Variants in MYT1L observed in about 807,000 individuals in gnomAD.
MYT1L encodes myelin transcription factor 1 like, also known as myelin transcription factor 1-like protein.
A neutral mutation model predicts 126.7 loss-of-function variants in MYT1L; 12 were observed. That is an observed-to-expected ratio of 0.09 (90% CI 0.06 to 0.15). MYT1L has a LOEUF of 0.15. Ranked by LOEUF, MYT1L falls within the 10% of genes least tolerant of loss-of-function variation. MYT1L has a pLI of 1.00. For synonymous variants in MYT1L, 541 were observed against 604.2 expected (o/e 0.90, Z 1.53); for missense variants, 979 against 1,585.2 (o/e 0.62, Z 6.49).
intron 2 of MYT1L, among the ~76,000 whole-genome samples, chr2:2,268,013 A>G (rs1409350953): frequency 6.6e-6 from 1 of 152,222 alleles, no homozygotes; most frequent in Non-Finnish European, 1.5e-5. Context: ...ATCAGTATTA[A>G]TAAAAGATGA....
At chr2:1,982,861 G>C (rs1387381481) in intron 5 of MYT1L, among the ~76,000 whole-genome samples, 1 of 152,194 alleles carries the variant, frequency 6.6e-6, no homozygotes, top group Non-Finnish European at 1.5e-5. Context: ...CTGTAGTTTA[G>C]GGGAGCACCT....
intron 4 of MYT1L, among the ~76,000 whole-genome samples, chr2:2,003,289 C>A (rs964245622): frequency 2.0e-5 from 3 of 152,168 alleles, no homozygotes; most frequent in African/African-American, 7.2e-5. Context: ...TGACGTTTCA[C>A]ATAAATTGTT....
Position 1,857,991 on chromosome 2 carries a change from C to T in MYT1L, c.2712-6288G>A, listed in dbSNP as rs1463622076. 2.0e-5 allele frequency among the ~76,000 whole-genome samples: 3 copies of T among 152,082 alleles called. No individual in the cohort carries two copies. In the South Asian group the frequency reaches 6.2e-4, roughly 32 times the overall value. On this transcript the variant is annotated intron_variant, in intron 18 of 24. Transcript: ENST00000647738. ...GATTCTCCTGTCTCAGCCTTCCCAG[C>T]AGCTGGGATTACGGGCATGCACCAC...
At chr2:2,322,796 G>C (rs1373743639) in intron 1 of MYT1L, among the ~76,000 whole-genome samples, 1 of 152,096 alleles carries the variant, frequency 6.6e-6, no homozygotes, top group Non-Finnish European at 1.5e-5. Context: ...ATAAAGCTTG[G>C]TTCAACTCTA....
chr2:2,098,857 G>C (rs781037867), intron 3 of MYT1L, among the ~76,000 whole-genome samples: 1 of 152,206 alleles, frequency 6.6e-6, no homozygotes, highest in Non-Finnish European at 1.5e-5. Flanking sequence ...GTGCAGTCTG[G>C]AGCTTCTAAA....
rs11411775 is a variant in MYT1L, at chr2:1,887,167, T to TAA, written c.2642+319_2642+320dup. ...AAACAGCCAAAATAGTAAGTATGTT[T>TAA]AAAAAAAAAAAAAACTTTTAAAAAA... On this transcript the variant is annotated intron_variant, in intron 17 of 24. Coordinates refer to ENST00000647738, the MANE Select transcript of MYT1L (RefSeq NM_001303052.2). This position sits in a 1 kb window ranked among gnomAD's most constrained non-coding sequence, Gnocchi z 4.8. 2,213 of 372,710 alleles carry TAA rather than the reference T, an allele frequency of 5.9e-3. 1 individual carries two copies. Among genetic ancestry groups the TAA allele is most frequent in the East Asian group, 0.017 (443 of 25,822 alleles). 23.1% of individuals were successfully genotyped at this position (372,710 alleles called of 1,614,324 possible).
At chr2:1,871,764 G>A (rs1227573186) in intron 18 of MYT1L, among the ~76,000 whole-genome samples, 3 of 152,108 alleles carry the variant, frequency 2.0e-5, no homozygotes, top group African/African-American at 7.2e-5. Flanking sequence ...TCTTGTGTGG[G>A]TCAAATGATA....
At chr2:2,019,862 T>C (rs1298272590) in intron 4 of MYT1L, among the ~76,000 whole-genome samples, 2 of 152,198 alleles carry the variant, frequency 1.3e-5, no homozygotes, top group Non-Finnish European at 2.9e-5. Context: ...TTTTATTTAT[T>C]TTTTGATATG....
chr2:1,957,286 T>C (rs533785692), intron 8 of MYT1L, among the ~76,000 whole-genome samples: 2 of 152,308 alleles, frequency 1.3e-5, no homozygotes, highest in South Asian at 2.1e-4. Flanking sequence ...AAATTTTCAA[T>C]AGTTCTTGGG....
At chr2:1,952,722 C>CT (rs2057894524) in intron 8 of MYT1L, among the ~76,000 whole-genome samples, 8 of 52,880 alleles carry the variant, frequency 1.5e-4, no homozygotes, top group Non-Finnish European at 3.0e-4. Context: ...TTCCCTCCTT[C>CT]CTTCCCTTCC....
rs114228109 is a variant in MYT1L at position 1,990,632 on chromosome 2, C to T, written c.-1+6559G>A. Among the ~76,000 whole-genome samples the T allele has an allele frequency of 1.9e-3, 293 of 152,200 alleles. 2 individuals carry two copies. Among genetic ancestry groups the T allele is most frequent in the African/African-American group, 6.6e-3 (275 of 41,512 alleles). On this transcript the variant is annotated intron_variant, in intron 5 of 24. Transcript: ENST00000647738. ...CTAAGCTCCATGGCCAGGGGTGTCT[C>T]GATGACACATGTGGGCAACAGCACC...
chr2:2,262,712 A>T (rs1012118640), intron 2 of MYT1L, among the ~76,000 whole-genome samples: 4 of 148,276 alleles, frequency 2.7e-5, no homozygotes, highest in African/African-American at 1.0e-4. Flanking sequence ...AAAAAAAATT[A>T]TGATTCCTGC....
intron 3 of MYT1L, among the ~76,000 whole-genome samples, chr2:2,054,907 T>A (rs1024273602): frequency 2.0e-5 from 3 of 149,154 alleles, no homozygotes; most frequent in Non-Finnish European, 4.5e-5. Flanking sequence ...GTGAGATGCA[T>A]GGAGATTATG....
intron 2 of MYT1L, among the ~76,000 whole-genome samples, chr2:2,175,770 C>A (rs1430592168): frequency 6.6e-6 from 1 of 152,222 alleles, no homozygotes; most frequent in East Asian, 1.9e-4. Context: ...TCCATAATGG[C>A]TGGAGAGGAC....
chr2:2,238,947 C>A (rs1238843211), intron 2 of MYT1L, among the ~76,000 whole-genome samples: 2 of 152,116 alleles, frequency 1.3e-5, no homozygotes, highest in Non-Finnish European at 2.9e-5. Flanking sequence ...TTGCCAAGAG[C>A]CTGCACAAAG....
intron 8 of MYT1L, among the ~76,000 whole-genome samples, chr2:1,950,284 C>T (rs2057624739): frequency 6.6e-6 from 1 of 152,114 alleles, no homozygotes; most frequent in South Asian, 2.1e-4. Context: ...AAGGATCTCA[C>T]TAAATAAGAA....
chr2:1,799,608 C>T (rs2034456588), intron 23 of MYT1L, among the ~76,000 whole-genome samples: 1 of 152,248 alleles, frequency 6.6e-6, no homozygotes, highest in Non-Finnish European at 1.5e-5. Flanking sequence ...GGACTCAACA[C>T]CCTGGACAGA....
chr2:1,930,579 C>A (rs974539801), intron 9 of MYT1L, among the ~76,000 whole-genome samples: 1 of 152,196 alleles, frequency 6.6e-6, no homozygotes, highest in Admixed American at 6.5e-5. Flanking sequence ...CGGGCAGAAG[C>A]GTCGGGGCTG....
chr2:2,128,781 G>A (rs183915384), intron 3 of MYT1L, among the ~76,000 whole-genome samples: 2 of 152,298 alleles, frequency 1.3e-5, no homozygotes, highest in South Asian at 2.1e-4. Flanking sequence ...ATTAAATGGA[G>A]AAATGTTAAT....
Sources: gnomAD v4.1 joint callset for allele counts (sites outside exome capture counted in the v4.1 genomes callset) on GRCh38, gnomAD v4.1.1 for gene constraint, Gnocchi (gnomAD v3.1) non-coding constraint, MANE v1.5 for transcripts, NCBI Gene and HGNC (gene_info 2026-07-23, HGNC 2026-07-21) for gene names.